The following FOXN1 variants were observed in gnomAD, a reference collection of about 807,000 sequenced individuals.
The protein encoded by FOXN1 is forkhead box protein N1.
A neutral mutation model predicts 49.0 loss-of-function variants in FOXN1; 15 were observed. The observed-to-expected ratio is 0.31, with a 90% CI of 0.20 to 0.47. The LOEUF (loss-of-function observed/expected upper bound fraction) is 0.47, where lower values mean the gene tolerates loss of function less well. Ranked by LOEUF, FOXN1 falls within the 20% of genes least tolerant of loss-of-function variation. The probability of loss-of-function intolerance (pLI) is 1.00; values close to 1 mark genes in which losing one functional copy is unlikely to be tolerated. For missense variants in FOXN1, 800 were observed against 842.8 expected (o/e 0.95, Z 0.63); for synonymous variants, 356 against 369.0 (o/e 0.96, Z 0.40).
intron 5 of FOXN1, among the ~76,000 whole-genome samples, chr17:28,530,368 C>G (rs2069881887): frequency 2.6e-5 from 4 of 152,176 alleles, no homozygotes; most frequent in Admixed American, 2.0e-4. Flanking sequence ...TGGCTGAGGA[C>G]TAACTAGTAA....
chr17:28,535,346 G>T (rs556139208), intron 8 of FOXN1, 148 bp downstream of exon 8: 1 of 805,148 alleles, frequency 1.2e-6, no homozygotes, highest in Non-Finnish European at 2.0e-6. Context: ...ACCTGGCAGG[G>T]GGAGCTTCCC....
chr17:28,525,345 A>T (rs747172988), intron 3 of FOXN1, among the ~76,000 whole-genome samples: 9 of 152,224 alleles, frequency 5.9e-5, no homozygotes, highest in Non-Finnish European at 1.2e-4. Context: ...GGGAGGAGCC[A>T]TAGTACACAG....
chr17:28,510,303 C>T (rs1287316506), intron 1 of FOXN1, among the ~76,000 whole-genome samples: 6 of 152,022 alleles, frequency 3.9e-5, no homozygotes, highest in African/African-American at 1.5e-4. Flanking sequence ...CACACAGAGA[C>T]ACACACCCAG....
intron 1 of FOXN1, among the ~76,000 whole-genome samples, chr17:28,516,051 C>T (rs2069487878): frequency 6.6e-6 from 1 of 151,844 alleles, no homozygotes; most frequent in South Asian, 2.1e-4. Flanking sequence ...TCCATAACTC[C>T]ACAGGATACA....
intron 1 of FOXN1, among the ~76,000 whole-genome samples, chr17:28,522,627 A>G (rs972599395): frequency 2.0e-5 from 3 of 152,218 alleles, no homozygotes; most frequent in African/African-American, 7.2e-5. Flanking sequence ...AGCCTAGGCA[A>G]CAGAGGGAGA....
Position 28,527,339 on chromosome 17 carries a change from C to T in FOXN1, c.677C>T (p.Ser226Phe). The change falls in exon 4 of 9, where the codon TCC becomes TTC. Residue 226 changes from serine (S) to phenylalanine (F), a missense_variant. This residue lies in a region of FOXN1 where 383 missense variants were observed against 357.9 expected (regional missense o/e 1.07). Transcript: ENST00000579795. ...YQPPLQHMYCSSQPPFHQYSP... is the reference protein window; with the variant it reads ...YQPPLQHMYCFSQPPFHQYSP... Reference sequence around the variant, plus strand: ...CCTCCCTTGCAGCATATGTACTGCTCCTCCCAGCCCCCCTTCCACCAGGTG... The same window carrying T: ...CCTCCCTTGCAGCATATGTACTGCTTCTCCCAGCCCCCCTTCCACCAGGTG... 1 of 1,610,606 alleles carries T rather than the reference C, an allele frequency of 6.2e-7. No individual in the cohort carries two copies. Among genetic ancestry groups the T allele is most frequent in the Non-Finnish European group, 8.5e-7 (1 of 1,177,106 alleles).
chr17:28,506,619 C>T (rs1372739023), intron 1 of FOXN1, among the ~76,000 whole-genome samples, 176 bp downstream of exon 1: 1 of 152,236 alleles, frequency 6.6e-6, no homozygotes, highest in Non-Finnish European at 1.5e-5. Context: ...AGGGGCACCC[C>T]TTCCCCCACC....
chr17:28,512,030 CA>C (rs1410985065), intron 1 of FOXN1, among the ~76,000 whole-genome samples: 3 of 152,154 alleles, frequency 2.0e-5, no homozygotes, highest in Admixed American at 1.3e-4. Flanking sequence ...GACTTCATTA[CA>C]GGGGTAGGAC....
intron 1 of FOXN1, among the ~76,000 whole-genome samples, chr17:28,517,682 A>G (rs1479290763): frequency 5.0e-5 from 2 of 39,622 alleles, no homozygotes; most frequent in South Asian, 6.6e-4. Context: ...CAGGATCCAT[A>G]CCTCCACAGG....
rs746851611 is a variant in FOXN1, at chr17:28,524,650, T to G, written c.271T>G (p.Phe91Val). ...HCPAGPGPGP[F>V]RLSPSDKYPG... ...CCCAGCCGGCCCCGGCCCTGGGCCC[T>G]TCAGGCTCTCACCCTCAGACAAGTA... Residue 91 changes from phenylalanine (F) to valine (V), a missense_variant, in exon 3 of 9, where the codon TTC becomes GTC. By Grantham distance (50) the Phe-to-Val change is conservative (BLOSUM62 -1). Transcript: ENST00000579795. The G allele has an allele frequency of 9.3e-6, 15 of 1,613,664 alleles. No homozygotes were observed. The East Asian group carries it at 3.3e-4, about 36-fold the overall frequency.
In FOXN1 at chr17:28,523,792, T is replaced by TTCTCTCTCTCTCTCTCTCTC. The variant is rs10527420; in HGVS notation, c.-14-143_-14-124dup. On this transcript the variant is annotated intron_variant, in intron 1 of 8. Coordinates refer to ENST00000579795, the MANE Select transcript of FOXN1 (RefSeq NM_001369369.1). ...TCTCTTTCTCTCTCTCGCTCTCTGGTTCTCTCTCTCTCTCTCTCTCTCTCT... is the reference window on the plus strand; with the variant it reads ...TCTCTTTCTCTCTCTCGCTCTCTGGTTCTCTCTCTCTCTCTCTCTCTCTCTCTCTCTCTCTCTCTCTCTCT... 1.5e-4 allele frequency: 96 copies of TTCTCTCTCTCTCTCTCTCTC among 650,492 alleles called. 1 individual carries two copies. The African/African-American group carries it at 1.7e-3, about 11-fold the overall frequency. The allele number at this position is 650,492 out of a possible 1,614,324, so 40.3% of individuals were successfully genotyped here. A position where few individuals can be genotyped will look rare whatever the true frequency, so the allele number is the denominator to read the frequency against.
chr17:28,514,173 T>G (rs905113067), intron 1 of FOXN1, among the ~76,000 whole-genome samples: 1 of 152,046 alleles, frequency 6.6e-6, no homozygotes, highest in Non-Finnish European at 1.5e-5. Context: ...CAGAGGCACA[T>G]GGGAATGCTG....
chr17:28,526,771 G>A (rs992809739), intron 3 of FOXN1, among the ~76,000 whole-genome samples: 4 of 152,168 alleles, frequency 2.6e-5, no homozygotes, highest in African/African-American at 9.7e-5. Context: ...AAGGGACCCA[G>A]GCCCACAGCT....
Position 28,534,252 on chromosome 17 carries a change from G to C in FOXN1, c.928-79G>C. The C allele has an allele frequency of 6.2e-7, 1 of 1,608,588 alleles. No individual in the cohort carries two copies. On this transcript the variant is annotated intron_variant, in intron 6 of 8. Transcript: ENST00000579795. This position sits in a 1 kb window ranked among gnomAD's most constrained non-coding sequence, Gnocchi z 4.1. ...CTCTGTGCCCAGAGGAGAAACAGGA[G>C]TGTTCTAGAACCCAGACCTGAAGCC...
chr17:28,524,449 C>A (rs2069715573), intron 2 of FOXN1, 54 bp from the exon 3 acceptor site: 3 of 1,495,620 alleles, frequency 2.0e-6, no homozygotes, highest in Non-Finnish European at 9.3e-7. Flanking sequence ...CCCAGCCAGT[C>A]CCCAGGCCTG....
At chr17:28,519,738 T>A (rs1453444790) in intron 1 of FOXN1, among the ~76,000 whole-genome samples, 1 of 151,558 alleles carries the variant, frequency 6.6e-6, no homozygotes, top group Non-Finnish European at 1.5e-5. Flanking sequence ...ACCCCCCTCC[T>A]CTCCACATAA....
intron 1 of FOXN1, among the ~76,000 whole-genome samples, chr17:28,511,477 C>A (rs1227649051): frequency 6.6e-6 from 1 of 152,040 alleles, no homozygotes; most frequent in Non-Finnish European, 1.5e-5. Context: ...CTGGGGCACA[C>A]CCCTAGGAAG....
rs756932094 is a variant in FOXN1, at chr17:28,534,933, A to G, written c.1362A>G (p.Thr454=). The G allele has an allele frequency of 6.2e-7, 1 of 1,614,040 alleles. No homozygotes were observed. The highest frequency in any genetic ancestry group is 8.5e-7 in the Non-Finnish European group (1 of 1,179,986). ...MGHTPSCYGQ[T]YLHLSPGLAP... ...ACACACCCTCCTGCTATGGGCAGAC[A>G]TACTTGCACCTCTCACCAGGCCTGG... The change falls in exon 8 of 9, where the codon ACA becomes ACG. Residue 454 remains threonine (T), a synonymous_variant. Coordinates refer to ENST00000579795, the MANE Select transcript of FOXN1 (RefSeq NM_001369369.1). The surrounding 1 kb of genome is among the most constrained non-coding windows in gnomAD (Gnocchi z 4.1).
Position 28,524,103 on chromosome 17 carries a change from G to T in FOXN1, c.123+11G>T. On this transcript the variant is annotated intron_variant, in intron 2 of 8. Transcript: ENST00000579795. Reference sequence around the variant, plus strand: ...CCTGCCCCACAGAGTGTAAGTACCCGGCATCTGGGCCTGGGTTTAGGCCAA... The same window carrying T: ...CCTGCCCCACAGAGTGTAAGTACCCTGCATCTGGGCCTGGGTTTAGGCCAA... 6.3e-7 allele frequency: 1 copy of T among 1,582,648 alleles called. No homozygotes were observed. The highest frequency in any genetic ancestry group is 2.3e-5 in the East Asian group (1 of 43,452).
Sources: allele counts gnomAD v4.1 joint callset (sites outside exome capture counted in the v4.1 genomes callset), GRCh38; gene constraint gnomAD v4.1.1; regional missense constraint gnomAD v4.1.1; non-coding constraint Gnocchi (gnomAD v3.1); transcripts MANE v1.5; gene names NCBI Gene and HGNC (gene_info 2026-07-23, HGNC 2026-07-21).